Variants in MAP3K13 observed in about 807,000 individuals in gnomAD.
MAP3K13 encodes leucine zipper-bearing kinase.
In MAP3K13, 52 loss-of-function variants were observed where a neutral mutation model predicts 104.0. The observed-to-expected ratio is 0.50, with a 90% confidence interval of 0.40 to 0.63. MAP3K13 has a LOEUF of 0.63. MAP3K13 is among the 20% of genes least tolerant of loss of function. The pLI, the probability that MAP3K13 is intolerant of heterozygous loss-of-function variation, is 0.00. For synonymous variants in MAP3K13, 394 were observed against 442.2 expected (o/e 0.89, Z 1.37); for missense variants, 914 against 1,218.5 (o/e 0.75, Z 3.72).
chr3:185,439,193 A>G (rs1715197434), intron 3 of MAP3K13, among the ~76,000 whole-genome samples: 1 of 152,148 alleles, frequency 6.6e-6, no homozygotes, highest in Non-Finnish European at 1.5e-5. Context: ...AGAAGCATTC[A>G]ACCAGGACAC....
intron 2 of MAP3K13, among the ~76,000 whole-genome samples, chr3:185,303,160 C>T (rs1345702572): frequency 6.6e-6 from 1 of 152,124 alleles, no homozygotes; most frequent in Non-Finnish European, 1.5e-5. Context: ...GTTAAGCCAT[C>T]CTTGTGTTCC....
At chr3:185,343,514 G>A (rs1722797721) in intron 2 of MAP3K13, among the ~76,000 whole-genome samples, 1 of 152,130 alleles carries the variant, frequency 6.6e-6, no homozygotes, top group Non-Finnish European at 1.5e-5. Flanking sequence ...GTGCAGTGGT[G>A]TGATCTTGGG....
In MAP3K13 at chr3:185,473,658, C is replaced by T. The variant is rs756793616; in HGVS notation, c.2327C>T (p.Thr776Met). The T allele has an allele frequency of 1.4e-5, 22 of 1,614,020 alleles. No homozygotes were observed. Among genetic ancestry groups the T allele is most frequent in the African/African-American group, 6.7e-5 (5 of 74,908 alleles). Residue 776 changes from threonine to methionine, a missense_variant, in exon 11 of 14, where the codon ACG becomes ATG. Coordinates refer to ENST00000265026, the MANE Select transcript of MAP3K13 (RefSeq NM_004721.5). This position sits in a 1 kb window ranked among gnomAD's most constrained non-coding sequence, Gnocchi z 4.9. ...GAAAACGCCCAGAGTTCTGAGAAAA[C>T]GGAAGAAAATGAATTCAGCGGCTGT... ...LLENAQSSEK[T>M]EENEFSGCRS...
chr3:185,300,200 T>C (rs1169724085), intron 2 of MAP3K13, among the ~76,000 whole-genome samples: 1 of 150,992 alleles, frequency 6.6e-6, no homozygotes, highest in Non-Finnish European at 1.5e-5. Flanking sequence ...TTTTTTTTTT[T>C]TTTTTTTCAG....
chr3:185,286,243 T>C (rs940624664), intron 2 of MAP3K13, among the ~76,000 whole-genome samples: 4 of 152,152 alleles, frequency 2.6e-5, no homozygotes, highest in Non-Finnish European at 4.4e-5. Context: ...ATTTTGCCTT[T>C]TTTAATTGAT....
At chr3:185,348,426 C>T (rs1002827654) in intron 2 of MAP3K13, among the ~76,000 whole-genome samples, 23 of 152,152 alleles carry the variant, frequency 1.5e-4, no homozygotes, top group African/African-American at 5.1e-4. Flanking sequence ...GAAATTTAGG[C>T]CCAATACATC....
At chr3:185,441,675 G>T (rs1182721141) in intron 3 of MAP3K13, among the ~76,000 whole-genome samples, 1 of 152,108 alleles carries the variant, frequency 6.6e-6, no homozygotes, top group Non-Finnish European at 1.5e-5. Flanking sequence ...GGCCAAGACG[G>T]GTGGATCACT....
chr3:185,321,404 A>C (rs1476480486), intron 2 of MAP3K13, among the ~76,000 whole-genome samples: 1 of 152,248 alleles, frequency 6.6e-6, no homozygotes, highest in Non-Finnish European at 1.5e-5. Flanking sequence ...CTTCACTCTC[A>C]GCATGTAGCT....
At chr3:185,377,785 G>T (rs187600366) in intron 1 of MAP3K13, among the ~76,000 whole-genome samples, 1 of 152,222 alleles carries the variant, frequency 6.6e-6, no homozygotes, top group Admixed American at 6.5e-5. Context: ...CTTCCGAGGC[G>T]ATCGGGCAGT....
At chr3:185,328,347 G>T (rs968811328) in intron 2 of MAP3K13, among the ~76,000 whole-genome samples, 1 of 152,036 alleles carries the variant, frequency 6.6e-6, no homozygotes, top group Admixed American at 6.5e-5. Context: ...TTTTGAAATG[G>T]AGTTTCAAAA....
intron 2 of MAP3K13, among the ~76,000 whole-genome samples, chr3:185,340,449 A>G (rs1722676294): frequency 1.3e-5 from 2 of 152,182 alleles, no homozygotes; most frequent in African/African-American, 2.4e-5. Flanking sequence ...AGAAGTTGCT[A>G]AAGACGCATC....
At chr3:185,308,643 C>G (rs1354613079) in intron 2 of MAP3K13, among the ~76,000 whole-genome samples, 2 of 152,186 alleles carry the variant, frequency 1.3e-5, no homozygotes, top group Non-Finnish European at 2.9e-5. Flanking sequence ...CCCCAAGCAT[C>G]CAAAGTATTC....
chr3:185,481,580 T>C (rs1227645424), intron 13 of MAP3K13, among the ~76,000 whole-genome samples: 2 of 152,208 alleles, frequency 1.3e-5, no homozygotes, highest in African/African-American at 2.4e-5. Context: ...TATAGCACTT[T>C]ATTTCATATT....
At chr3:185,360,499 A>G (rs1175245103), upstream of MAP3K13, among the ~76,000 whole-genome samples, 1 of 152,154 alleles carries the variant, frequency 6.6e-6, no homozygotes, top group East Asian at 1.9e-4. Flanking sequence ...ATTTGGTGAG[A>G]CAGCTTATCT....
intron 1 of MAP3K13, among the ~76,000 whole-genome samples, chr3:185,390,772 C>A (rs1712000229): frequency 6.7e-6 from 1 of 150,244 alleles, no homozygotes. Flanking sequence ...TACAGGCGCC[C>A]ACCACCACGC....
Position 185,418,817 on chromosome 3 carries a change from C to A in MAP3K13, c.-85-9680C>A. The A allele has an allele frequency of 6.4e-7, 1 of 1,563,992 alleles. No homozygotes were observed. The highest frequency in any genetic ancestry group is 8.7e-7 in the Non-Finnish European group (1 of 1,147,156). ...GACAGCCACGCTCCTCTCAGCCCGG[C>A]TGCTGCCACAGGAAAAGCATGTTCT... is the stretch of plus-strand genomic sequence containing the variant. On this transcript the variant is annotated intron_variant, in intron 1 of 13. Coordinates refer to ENST00000265026, the MANE Select transcript of MAP3K13 (RefSeq NM_004721.5). This position sits in a 1 kb window ranked among gnomAD's most constrained non-coding sequence, Gnocchi z 4.5.
intron 4 of MAP3K13, among the ~76,000 whole-genome samples, chr3:185,446,488 T>C (rs1342672671): frequency 6.6e-6 from 1 of 152,200 alleles, no homozygotes; most frequent in East Asian, 1.9e-4. Flanking sequence ...TTTAATTTTC[T>C]AAAGTTCTGA....
At chr3:185,292,576 G>A (rs1720782205) in intron 2 of MAP3K13, 2 of 852,470 alleles carry the variant, frequency 2.3e-6, no homozygotes, top group Non-Finnish European at 2.8e-6. Context: ...AGGATCAAAT[G>A]AAATAATGTA....
chr3:185,472,675 A>G (rs772446113), intron 10 of MAP3K13, among the ~76,000 whole-genome samples: 3 of 152,136 alleles, frequency 2.0e-5, no homozygotes, highest in Non-Finnish European at 2.9e-5. Context: ...TGTTGCTCTG[A>G]TAGGGGCTCT....
Sources: gnomAD v4.1 joint callset for allele counts (sites outside exome capture counted in the v4.1 genomes callset) on GRCh38, gnomAD v4.1.1 for gene constraint, Gnocchi (gnomAD v3.1) non-coding constraint, MANE v1.5 for transcripts, NCBI Gene and HGNC (gene_info 2026-07-23, HGNC 2026-07-21) for gene names.